The following TGFB2 variants were observed in gnomAD, a reference collection of about 807,000 sequenced individuals.
TGFB2 encodes the protein transforming growth factor beta-2 proprotein.
In TGFB2, 13 loss-of-function variants were observed where a neutral mutation model predicts 42.7. The observed-to-expected ratio is 0.30, with a 90% CI of 0.20 to 0.48. The LOEUF (loss-of-function observed/expected upper bound fraction) is 0.48, where lower values mean the gene tolerates loss of function less well. TGFB2 is among the 20% of genes least tolerant of loss of function. TGFB2 has a pLI of 0.99. For missense variants in TGFB2, 390 were observed against 517.5 expected, an observed-to-expected ratio of 0.75 and a Z score of 2.39; for synonymous variants, 193 against 193.6, an observed-to-expected ratio of 1.00 and a Z score of 0.03.
chr1:218,366,726 A>C (rs1217259161), intron 1 of TGFB2, among the ~76,000 whole-genome samples: 1 of 152,220 alleles, frequency 6.6e-6, no homozygotes, highest in Non-Finnish European at 1.5e-5. Context: ...GGTGGAGCTG[A>C]GGACTCTGCA....
intron 1 of TGFB2, among the ~76,000 whole-genome samples, chr1:218,351,760 G>C (rs1406560322): frequency 6.6e-6 from 1 of 152,130 alleles, no homozygotes; most frequent in Non-Finnish European, 1.5e-5. Context: ...TGGTCTACTC[G>C]AGGAGTTGCA....
chr1:218,347,204 A>G (rs562835902), intron 1 of TGFB2, among the ~76,000 whole-genome samples, 157 bp downstream of exon 1: 1 of 152,116 alleles, frequency 6.6e-6, no homozygotes, highest in South Asian at 2.1e-4. Flanking sequence ...TTTCAGTTGT[A>G]TGCTTGAGGC....
chr1:218,370,628 T>G (rs2102553776), intron 1 of TGFB2, among the ~76,000 whole-genome samples: 1 of 152,332 alleles, frequency 6.6e-6, no homozygotes. Context: ...TGTCTAGAGC[T>G]TTTCTCTCAA....
intron 2 of TGFB2, among the ~76,000 whole-genome samples, chr1:218,413,702 G>A (rs1236314571): frequency 6.6e-6 from 1 of 152,140 alleles, no homozygotes; most frequent in Non-Finnish European, 1.5e-5. Flanking sequence ...GTTGTAAGTC[G>A]AGGAGCATCT....
intron 1 of TGFB2, among the ~76,000 whole-genome samples, chr1:218,389,072 A>G (rs571461913): frequency 2.1e-4 from 32 of 152,244 alleles, no homozygotes; most frequent in African/African-American, 7.0e-4. Flanking sequence ...CTTACATCGA[A>G]TCATTTGGCC....
intron 6 of TGFB2, among the ~76,000 whole-genome samples, chr1:218,440,999 G>A (rs1178481923): frequency 6.6e-6 from 1 of 152,184 alleles, no homozygotes; most frequent in Non-Finnish European, 1.5e-5. Context: ...TGGAAAACGA[G>A]TTCCGTGTGG....
At chr1:218,347,899 T>C (rs1483689346) in intron 1 of TGFB2, among the ~76,000 whole-genome samples, 1 of 151,880 alleles carries the variant, frequency 6.6e-6, no homozygotes, top group African/African-American at 2.4e-5. Context: ...GTTACTTCAA[T>C]GCATTCCTAA....
chr1:218,388,993 G>A (rs966395438), intron 1 of TGFB2, among the ~76,000 whole-genome samples: 3 of 152,066 alleles, frequency 2.0e-5, no homozygotes, highest in Non-Finnish European at 4.4e-5. Flanking sequence ...ATCCTACAGG[G>A]GAGCCTATTC....
intron 2 of TGFB2, among the ~76,000 whole-genome samples, chr1:218,414,227 G>GCACACACA (rs5781033): frequency 5.8e-4 from 85 of 145,876 alleles, no homozygotes; most frequent in Admixed American, 1.8e-3. Flanking sequence ...AAACACATGT[G>GCACACACA]CACACACACA....
chr1:218,431,155 T>C (rs1659794253), intron 2 of TGFB2, among the ~76,000 whole-genome samples: 1 of 152,208 alleles, frequency 6.6e-6, no homozygotes, highest in Non-Finnish European at 1.5e-5. Context: ...GGTTTATATG[T>C]GGCCTGTTCA....
chr1:218,415,288 C>T (rs1659236471), intron 2 of TGFB2, among the ~76,000 whole-genome samples: 1 of 152,108 alleles, frequency 6.6e-6, no homozygotes, highest in Non-Finnish European at 1.5e-5. Flanking sequence ...GAATGCTTCC[C>T]CTAGCCCTTC....
chr1:218,394,047 C>A (rs531668723), intron 1 of TGFB2, among the ~76,000 whole-genome samples: 1 of 152,196 alleles, frequency 6.6e-6, no homozygotes, highest in East Asian at 1.9e-4. Context: ...GCTGGGATTA[C>A]AGGTGCCCAC....
intron 1 of TGFB2, among the ~76,000 whole-genome samples, chr1:218,384,985 C>A (rs2027566): frequency 0.5 from 75,446 of 152,048 alleles, 22,864 homozygotes; most frequent in Non-Finnish European, 0.66. Context: ...CATAACCACC[C>A]GGCAGATGGC....
chr1:218,399,471 T>A lies in TGFB2; in HGVS notation c.347-5698T>A, dbSNP rs374700026. Among the ~76,000 whole-genome samples, 32 of 152,340 alleles carry A rather than the reference T, an allele frequency of 2.1e-4. No individual in the cohort carries two copies. In the East Asian group the frequency reaches 5.2e-3, roughly 25 times the overall value. ...GAAATCCAAGCCTAGTTAATAGTAT[T>A]GTACCAATGTCAATTAAACTTTTTA... On this transcript the variant is annotated intron_variant, in intron 1 of 6. Transcript: ENST00000366930.
At chr1:218,385,805 T>C (rs770494298) in intron 1 of TGFB2, among the ~76,000 whole-genome samples, 2 of 152,268 alleles carry the variant, frequency 1.3e-5, no homozygotes, top group African/African-American at 2.4e-5. Context: ...CTGTTAGAAC[T>C]AGACTTCTCT....
At position 218,419,679 on chromosome 1, in the gene TGFB2, A is replaced by C. The variant is rs554399557; in HGVS notation, c.510+14347A>C. Among the ~76,000 whole-genome samples the C allele has an allele frequency of 2.6e-5, 4 of 152,336 alleles. No individual in the cohort carries two copies. In the South Asian group the frequency reaches 8.3e-4, roughly 32 times the overall value. ...CTTATAAAGGGGATTCTGTTGAGAA[A>C]CATCACTCATTTATTCGGATTTGGA... is the stretch of plus-strand genomic sequence containing the variant. On this transcript the variant is annotated intron_variant, in intron 2 of 6. Transcript: ENST00000366930.
chr1:218,388,071 G>A (rs1199737589), intron 1 of TGFB2, among the ~76,000 whole-genome samples: 1 of 152,196 alleles, frequency 6.6e-6, no homozygotes, highest in Non-Finnish European at 1.5e-5. Context: ...CACCCACAGA[G>A]GAATGGACGT....
chr1:218,430,730 T>C (rs1659779929), intron 2 of TGFB2, among the ~76,000 whole-genome samples: 1 of 152,256 alleles, frequency 6.6e-6, no homozygotes, highest in South Asian at 2.1e-4. Flanking sequence ...TTCAAGACTT[T>C]ACGATGTGAT....
chr1:218,379,299 A>AT (rs1401835075), intron 1 of TGFB2, among the ~76,000 whole-genome samples: 7 of 151,066 alleles, frequency 4.6e-5, no homozygotes, highest in South Asian at 4.2e-4. Flanking sequence ...CACCTGGCTA[A>AT]TTTTTTTGTA....
Sources: allele counts gnomAD v4.1 joint callset (sites outside exome capture counted in the v4.1 genomes callset), GRCh38; gene constraint gnomAD v4.1.1; transcripts MANE v1.5; gene names NCBI Gene and HGNC (gene_info 2026-07-23, HGNC 2026-07-21).